MMADHC: variants seen among roughly 807,000 people sequenced by gnomAD.
MMADHC encodes metabolism of cobalamin associated D.
In MMADHC, 23 loss-of-function variants were observed where a neutral mutation model predicts 36.3. That is an observed-to-expected ratio of 0.63 (90% confidence interval 0.46 to 0.90). MMADHC has a LOEUF of 0.90. Among genes scored for constraint, MMADHC ranks in the 40% least tolerant of loss-of-function variants. MMADHC has a pLI of 0.00. For missense variants in MMADHC, 330 were observed against 348.0 expected (o/e 0.95, Z 0.41); for synonymous variants, 97 against 116.1 (o/e 0.84, Z 1.06).
intron 4 of MMADHC, among the ~76,000 whole-genome samples, chr2:149,577,862 A>T (rs1329190517): frequency 2.6e-5 from 4 of 151,988 alleles, no homozygotes; most frequent in African/African-American, 9.7e-5. Flanking sequence ...TACTAAAAAT[A>T]CAAAAATCAG....
chr2:149,587,410 G>A (rs1331304183), intron 1 of MMADHC: 1 of 479,892 alleles, frequency 2.1e-6, no homozygotes, highest in East Asian at 3.7e-5. Context: ...GGGGAATGGG[G>A]GCTGGGTGGC....
chr2:149,576,557 G>C lies in MMADHC; in HGVS notation c.373-15C>G, dbSNP rs751494064. 24 of 1,544,700 alleles carry C rather than the reference G, an allele frequency of 1.6e-5. No homozygotes were observed. Among genetic ancestry groups the C allele is most frequent in the Non-Finnish European group, 2.1e-5 (23 of 1,117,120 alleles). On this transcript the variant is annotated splice_polypyrimidine_tract_variant and intron_variant, in intron 4 of 7. Coordinates refer to ENST00000303319, the MANE Select transcript of MMADHC (RefSeq NM_015702.3). ...GCATCATTACCCTAAGGGGAACAAG[G>C]ATATAAGTCAACAAAATCTGGAGTT...
In MMADHC at chr2:149,575,377, TGGGGAGATGAAG is replaced by T. The variant is rs66640457; in HGVS notation, c.609+322_609+333del. ...AAGGGGATAGATTTGGAGGGGAAGA[TGGGGAGATGAAG>T]GGGGAGATGGAGAAGGAGAGGGAGG... On this transcript the variant is annotated intron_variant, in intron 6 of 7. Coordinates refer to ENST00000303319, the MANE Select transcript of MMADHC (RefSeq NM_015702.3). 0.69 allele frequency among the ~76,000 whole-genome samples: 97,449 copies of T among 140,910 alleles called. 35,136 individuals carry two copies. The highest frequency in any genetic ancestry group is 0.86 in the East Asian group (4,363 of 5,064). 92.4% of individuals were successfully genotyped at this position (140,910 alleles called of 152,430 possible).
At chr2:149,576,676 A>G (rs773511337) in intron 4 of MMADHC, 134 bp from the exon 5 acceptor site, 30 of 665,600 alleles carry the variant, frequency 4.5e-5, no homozygotes, top group Non-Finnish European at 7.3e-5. Flanking sequence ...CTGGGAGGTG[A>G]GGTAATAACA....
chr2:149,574,530 TA>T (rs1210964706), intron 6 of MMADHC, among the ~76,000 whole-genome samples: 20 of 152,176 alleles, frequency 1.3e-4, no homozygotes, highest in Non-Finnish European at 2.8e-4. Context: ...TAACTCAAGT[TA>T]GTGACTTGGG....
chr2:149,569,887 AT>A lies in MMADHC; in HGVS notation c.*86del. 8.6e-7 allele frequency: 1 copy of A among 1,168,586 alleles called. No individual in the cohort carries two copies. Among genetic ancestry groups the A allele is most frequent in the East Asian group, 2.5e-5 (1 of 39,318 alleles). The allele number at this position is 1,168,586 out of a possible 1,614,324, so 72.4% of individuals were successfully genotyped here. The stretch of plus-strand genomic sequence containing the variant: ...CTGAAATAAATACTTAGAAATAAAT[AT>A]ATTTTAAAAACTTTAGTCTGACAGT... On this transcript the variant is annotated 3_prime_UTR_variant, in exon 8 of 8. Transcript: ENST00000303319.
chr2:149,579,599 T>C lies in MMADHC; in HGVS notation c.204A>G (p.Gln68=), dbSNP rs182655350. The change falls in exon 4 of 8, where the codon CAA becomes CAG. Residue 68 remains glutamine, a synonymous_variant. Coordinates refer to ENST00000303319, the MANE Select transcript of MMADHC (RefSeq NM_015702.3). ...TCCCAGGAAGCTGGAACCTCTGATC[T>C]TGAGGTCCAAAGGGTCCCATAGTTT... is the stretch of plus-strand genomic sequence containing the variant. The part of the protein sequence containing the change: ...PDETMGPFGP[Q]DQRFQLPGNI... 1 of 1,614,056 alleles carries C rather than the reference T, an allele frequency of 6.2e-7. No individual in the cohort carries two copies. Among genetic ancestry groups the C allele is most frequent in the African/African-American group, 1.3e-5 (1 of 75,052 alleles).
intron 3 of MMADHC, among the ~76,000 whole-genome samples, chr2:149,581,841 A>C (rs969712312): frequency 5.3e-5 from 8 of 152,230 alleles, no homozygotes; most frequent in African/African-American, 1.9e-4. Context: ...AAGAAATAAT[A>C]ATATGGTTTA....
intron 1 of MMADHC, 44 bp from the exon 2 acceptor site, chr2:149,587,193 C>G: frequency 8.2e-7 from 1 of 1,216,004 alleles, no homozygotes; most frequent in Non-Finnish European, 1.2e-6. Context: ...CGATTAAACT[C>G]TAACAACAGA....
intron 6 of MMADHC, among the ~76,000 whole-genome samples, chr2:149,575,416 G>A (rs1178520494): frequency 6.6e-6 from 1 of 151,654 alleles, no homozygotes; most frequent in East Asian, 1.9e-4. Flanking sequence ...AGAGGGAGGG[G>A]GAGGCTGAGG....
At chr2:149,581,987 G>A in intron 3 of MMADHC, 140 bp downstream of exon 3, 1 of 858,452 alleles carries the variant, frequency 1.2e-6, no homozygotes, top group Non-Finnish European at 1.9e-6. Flanking sequence ...ATATATTTAG[G>A]CAGAGCTGTG....
At chr2:149,578,272 T>G (rs1247983348) in intron 4 of MMADHC, among the ~76,000 whole-genome samples, 1 of 152,118 alleles carries the variant, frequency 6.6e-6, no homozygotes, top group Non-Finnish European at 1.5e-5. Context: ...GCGATGTGAT[T>G]TTTATATTAT....
intron 2 of MMADHC, among the ~76,000 whole-genome samples, chr2:149,584,852 A>G (rs1210783432): frequency 2.0e-5 from 3 of 152,008 alleles, no homozygotes; most frequent in Non-Finnish European, 4.4e-5. Context: ...CCTGGCCAAC[A>G]TGGTGAAACC....
chr2:149,585,791 A>T (rs1031821587), intron 2 of MMADHC, among the ~76,000 whole-genome samples: 4 of 152,220 alleles, frequency 2.6e-5, no homozygotes, highest in African/African-American at 9.6e-5. Flanking sequence ...AATCCATATA[A>T]ATTAACACAA....
chr2:149,579,468 T>C lies in MMADHC; in HGVS notation c.335A>G (p.His112Arg), dbSNP rs774720255. Residue 112 changes from histidine (H) to arginine (R), a missense_variant, in exon 4 of 8, where the codon CAT becomes CGT. Coordinates refer to ENST00000303319, the MANE Select transcript of MMADHC (RefSeq NM_015702.3). ...VLAEPLSSERHEFVMAQYVNE... is the reference protein window; with the variant it reads ...VLAEPLSSERREFVMAQYVNE... The stretch of plus-strand genomic sequence containing the variant: ...CACATATTGTGCCATCACAAACTCA[T>C]GTCTTTCACTTGATAAAGGTTCTGC... 25 of 1,612,404 alleles carry C rather than the reference T, an allele frequency of 1.6e-5. No homozygotes were observed. Among genetic ancestry groups the C allele is most frequent in the Non-Finnish European group, 2.1e-5 (25 of 1,179,970 alleles).
intron 6 of MMADHC, among the ~76,000 whole-genome samples, chr2:149,574,861 C>A (rs529003609): frequency 1.6e-4 from 25 of 152,304 alleles, no homozygotes; most frequent in Admixed American, 1.4e-3. Flanking sequence ...AGGGCAGTAG[C>A]ACCATCAAGG....
rs776311269 is a variant in MMADHC, at chr2:149,571,175, C to T, written c.610-4G>A. On this transcript the variant is annotated splice_polypyrimidine_tract_variant and splice_region_variant and intron_variant, in intron 6 of 7. Coordinates refer to ENST00000303319, the MANE Select transcript of MMADHC (RefSeq NM_015702.3). Reference sequence around the variant, plus strand: ...TTTCCTTAGCACCATTGATGAACTGCAATGGAAGTCACAAATAATATGCTT... The same window carrying T: ...TTTCCTTAGCACCATTGATGAACTGTAATGGAAGTCACAAATAATATGCTT... 3 of 1,587,378 alleles carry T rather than the reference C, an allele frequency of 1.9e-6. No individual in the cohort carries two copies. The highest frequency in any genetic ancestry group is 1.7e-5 in the Admixed American group (1 of 59,058).
At chr2:149,587,053 T>A in intron 2 of MMADHC, 36 bp downstream of exon 2, 2 of 1,607,704 alleles carry the variant, frequency 1.2e-6, no homozygotes, top group Non-Finnish European at 1.7e-6. Context: ...CCCAAACGAG[T>A]TTACTATGCT....
chr2:149,579,419 CCAA>C lies in MMADHC; in HGVS notation c.372+9_372+11del, dbSNP rs1247896051. The C allele has an allele frequency of 6.3e-7, 1 of 1,598,984 alleles. No homozygotes were observed. The highest frequency in any genetic ancestry group is 8.6e-7 in the Non-Finnish European group (1 of 1,168,214). On this transcript the variant is annotated intron_variant, in intron 4 of 7. Transcript: ENST00000303319. The stretch of plus-strand genomic sequence containing the variant: ...AATCAGGAAAGCACAATAAATGTTA[CCAA>C]CAATTTACCTGAAATTCATTCACAT...
Sources: gnomAD v4.1 joint callset for allele counts (sites outside exome capture counted in the v4.1 genomes callset) on GRCh38, gnomAD v4.1.1 for gene constraint, MANE v1.5 for transcripts, NCBI Gene and HGNC (gene_info 2026-07-23, HGNC 2026-07-21) for gene names.